Variants in MICAL3 observed in about 807,000 individuals in gnomAD.
MICAL3 encodes the protein microtubule associated monooxygenase, calponin and LIM domain containing 3.
MICAL3 carries 62 observed loss-of-function variants against 207.4 expected under a neutral mutation model. That is an observed-to-expected ratio of 0.30 (90% CI 0.24 to 0.37). The LOEUF (loss-of-function observed/expected upper bound fraction) is 0.37, where lower values mean the gene tolerates loss of function less well. Ranked by LOEUF, MICAL3 falls within the 10% of genes least tolerant of loss-of-function variation. MICAL3 has a pLI of 1.00. For missense variants in MICAL3, 2,368 were observed against 2,635.6 expected (o/e 0.90, Z 2.22); for synonymous variants, 1,077 against 1,069.3 (o/e 1.01, Z -0.14).
Position 17,787,822 on chromosome 22 carries a change from C to T in MICAL3, c.*2910G>A, listed in dbSNP as rs887129612. The stretch of plus-strand genomic sequence containing the variant: ...TGGTCAAAATCGGCCTGAGGATGGC[C>T]GCCAGGGACAGAGGCCTGAAGGCAT... On this transcript the variant is annotated 3_prime_UTR_variant, in exon 32 of 32. Coordinates refer to ENST00000441493, the MANE Select transcript of MICAL3 (RefSeq NM_015241.3). 2 of 152,216 alleles carry T rather than the reference C, an allele frequency of 1.3e-5. No homozygotes were observed. The highest frequency in any genetic ancestry group is 2.4e-5 in the African/African-American group (1 of 41,454). The allele number at this position is 152,216 out of a possible 1,614,324, so 9.4% of individuals were successfully genotyped here. A position where few individuals can be genotyped will look rare whatever the true frequency, so the allele number is the denominator to read the frequency against.
At chr22:17,856,653 C>T (rs566063038) in intron 19 of MICAL3, among the ~76,000 whole-genome samples, 53 of 131,346 alleles carry the variant, frequency 4.0e-4, no homozygotes, top group Admixed American at 3.5e-3. Context: ...CTCGCTCTGT[C>T]GCCCAGGCCG....
intron 1 of MICAL3, chr22:17,983,616 T>C (rs756921691): frequency 5.9e-5 from 9 of 152,906 alleles, no homozygotes; most frequent in Non-Finnish European, 1.3e-4. Context: ...AGTCTCCACA[T>C]GGCTTACCTC....
intron 1 of MICAL3, among the ~76,000 whole-genome samples, chr22:18,013,891 C>A (rs1220363925): frequency 6.6e-6 from 1 of 151,830 alleles, no homozygotes; most frequent in Non-Finnish European, 1.5e-5. Flanking sequence ...CCCTTGAACT[C>A]CTGGGCTCAA....
At chr22:18,008,309 G>T (rs887941132) in intron 1 of MICAL3, among the ~76,000 whole-genome samples, 2 of 152,160 alleles carry the variant, frequency 1.3e-5, no homozygotes, top group African/African-American at 4.8e-5. Context: ...GCACACCCGT[G>T]ACTGCCACCA....
At chr22:17,807,952 A>G (rs1460592222) in intron 29 of MICAL3, among the ~76,000 whole-genome samples, 4 of 152,250 alleles carry the variant, frequency 2.6e-5, no homozygotes, top group Admixed American at 1.3e-4. Context: ...GGCTATAAAG[A>G]GACGGAAGTT....
chr22:17,871,827 G>T lies in MICAL3; in HGVS notation c.2428+10C>A. On this transcript the variant is annotated intron_variant, in intron 17 of 31. Coordinates refer to ENST00000441493, the MANE Select transcript of MICAL3 (RefSeq NM_015241.3). ...TTTCTCAGTGGGGCCGGAGGCGCAGGGTGTCTCACCATCCTCGATGTCGTA... is the reference window on the plus strand; with the variant it reads ...TTTCTCAGTGGGGCCGGAGGCGCAGTGTGTCTCACCATCCTCGATGTCGTA... 1.3e-6 allele frequency: 2 copies of T among 1,594,644 alleles called. No individual in the cohort carries two copies. The highest frequency in any genetic ancestry group is 2.3e-5 in the South Asian group (2 of 87,566).
intron 1 of MICAL3, among the ~76,000 whole-genome samples, chr22:17,956,394 C>T (rs996855139): frequency 1.2e-4 from 19 of 152,198 alleles, no homozygotes; most frequent in African/African-American, 4.6e-4. Flanking sequence ...GCACTACCGG[C>T]CGGGCATGGT....
At chr22:17,890,411 C>T (rs569547746) in intron 12 of MICAL3, among the ~76,000 whole-genome samples, 79 of 152,274 alleles carry the variant, frequency 5.2e-4, no homozygotes, top group African/African-American at 1.6e-3. Context: ...AGCTGACTCA[C>T]CTGCCCATCC....
intron 19 of MICAL3, among the ~76,000 whole-genome samples, chr22:17,843,980 G>A (rs1270388206): frequency 6.6e-6 from 1 of 152,140 alleles, no homozygotes; most frequent in Non-Finnish European, 1.5e-5. Flanking sequence ...CCGAGTAGCT[G>A]GGACTACGGG....
chr22:17,949,992 G>T (rs1387704193), intron 1 of MICAL3, among the ~76,000 whole-genome samples: 1 of 152,148 alleles, frequency 6.6e-6, no homozygotes, highest in African/African-American at 2.4e-5. Flanking sequence ...TCCCTGGGGT[G>T]GTCTAGAAAG....
chr22:17,856,967 G>C (rs1474891137), intron 19 of MICAL3, among the ~76,000 whole-genome samples: 1 of 152,228 alleles, frequency 6.6e-6, no homozygotes, highest in African/African-American at 2.4e-5. Context: ...TCTCTCGGTA[G>C]TAAAATGATA....
intron 16 of MICAL3, among the ~76,000 whole-genome samples, chr22:17,877,054 GGGAGGTTATGGAGGTT>G (rs1928637827): frequency 9.1e-6 from 1 of 109,640 alleles, no homozygotes. Context: ...ATGGAGGTTA[GGGAGGTTATGGAGGTT>G]AGGGAAGTTA....
chr22:17,880,048 T>G (rs1026270888), intron 16 of MICAL3, among the ~76,000 whole-genome samples: 1 of 152,218 alleles, frequency 6.6e-6, no homozygotes, highest in Non-Finnish European at 1.5e-5. Flanking sequence ...CATTACTCTC[T>G]GGCTGGCTAA....
At chr22:17,962,705 G>GCAAAT (rs556071319) in intron 1 of MICAL3, among the ~76,000 whole-genome samples, 30,280 of 151,860 alleles carry the variant, frequency 0.2, 3,164 homozygotes, top group Middle Eastern at 0.27. Flanking sequence ...CAATTTCCAA[G>GCAAAT]GACCCTTTGA....
chr22:17,940,851 G>C (rs1052803856), intron 1 of MICAL3, among the ~76,000 whole-genome samples: 1 of 152,078 alleles, frequency 6.6e-6, no homozygotes, highest in African/African-American at 2.4e-5. Context: ...AGCTCAAGAG[G>C]TATTTAATCA....
Position 17,788,618 on chromosome 22 carries a change from C to T in MICAL3, c.*2114G>A, listed in dbSNP as rs1174326665. 1 of 152,318 alleles carries T rather than the reference C, an allele frequency of 6.6e-6. No individual in the cohort carries two copies. Among genetic ancestry groups the T allele is most frequent in the East Asian group, 1.9e-4 (1 of 5,184 alleles). The allele number at this position is 152,318 out of a possible 1,614,324, so 9.4% of individuals were successfully genotyped here. The stretch of plus-strand genomic sequence containing the variant: ...GGGTTTGAAGATGGAATCTAGAAAC[C>T]CTCCTCTCCCCTTTTTTAAGTAAAG... On this transcript the variant is annotated 3_prime_UTR_variant, in exon 32 of 32. Transcript: ENST00000441493.
At chr22:17,867,483 C>T (rs1213016327) in intron 17 of MICAL3, among the ~76,000 whole-genome samples, 2 of 152,220 alleles carry the variant, frequency 1.3e-5, no homozygotes, top group Non-Finnish European at 2.9e-5. Context: ...GGATCATGCG[C>T]TACTTGTTTT....
intron 16 of MICAL3, among the ~76,000 whole-genome samples, chr22:17,879,874 G>A (rs559270732): frequency 2.6e-5 from 4 of 152,332 alleles, no homozygotes; most frequent in South Asian, 2.1e-4. Context: ...TCCTGAATAG[G>A]AGCATCGGGC....
At chr22:17,972,089 A>G (rs1307111259) in intron 1 of MICAL3, among the ~76,000 whole-genome samples, 2 of 152,236 alleles carry the variant, frequency 1.3e-5, no homozygotes, top group African/African-American at 4.8e-5. Context: ...CTCAAGGCAA[A>G]CACTAAGAAC....
Sources: allele counts gnomAD v4.1 joint callset (sites outside exome capture counted in the v4.1 genomes callset), GRCh38; gene constraint gnomAD v4.1.1; transcripts MANE v1.5; gene names NCBI Gene and HGNC (gene_info 2026-07-23, HGNC 2026-07-21).